The following AS3MT variants were observed in gnomAD, a reference collection of about 807,000 sequenced individuals.
The protein encoded by AS3MT is arsenite methyltransferase, also known as S-adenosyl-L-methionine:arsenic(III) methyltransferase.
In AS3MT, 47 loss-of-function variants were observed where a neutral mutation model predicts 45.3. The ratio of observed to expected loss-of-function variants is 1.04; its 90% CI spans 0.82 to 1.32. The LOEUF (loss-of-function observed/expected upper bound fraction) is 1.32. Ranked by LOEUF, AS3MT falls within the 40% of genes most tolerant of loss-of-function variation. AS3MT has a pLI of 0.00. For synonymous variants in AS3MT, 141 were observed against 152.8 expected, an observed-to-expected ratio of 0.92 and a Z score of 0.57; for missense variants, 396 against 451.1, an observed-to-expected ratio of 0.88 and a Z score of 1.11.
chr10:102,876,737 T>G (rs1198385133), intron 6 of AS3MT, among the ~76,000 whole-genome samples: 1 of 152,204 alleles, frequency 6.6e-6, no homozygotes, highest in Non-Finnish European at 1.5e-5. Flanking sequence ...GAATGTGATT[T>G]TATTACCTGT....
At position 102,873,223 on chromosome 10, in the gene AS3MT, G is replaced by A; in HGVS notation, c.448G>A (p.Asp150Asn). The A allele has an allele frequency of 6.2e-7, 1 of 1,602,386 alleles. No individual in the cohort carries two copies. The highest frequency in any genetic ancestry group is 1.1e-5 in the South Asian group (1 of 88,072). ...GGCTGGAATCAAGAATGAGAGCCAT[G>A]ATATTGTTGTGTAGGTCTATATTCT... is the stretch of plus-strand genomic sequence containing the variant. ...GEAGIKNESHDIVVSNCVINL... is the reference protein window; with the variant it reads ...GEAGIKNESHNIVVSNCVINL... The change falls in exon 5 of 11, where the codon GAT (aspartate) becomes AAT (asparagine). Residue 150 changes from aspartate to asparagine, a missense_variant. Coordinates refer to ENST00000369880, the MANE Select transcript of AS3MT (RefSeq NM_020682.4).
At chr10:102,890,957 C>T (rs1845060521) in intron 10 of AS3MT, among the ~76,000 whole-genome samples, 1 of 152,210 alleles carries the variant, frequency 6.6e-6, no homozygotes, top group Admixed American at 6.5e-5. Flanking sequence ...AGGTAACCCA[C>T]CTGCCTCAGT....
intron 9 of AS3MT, chr10:102,887,890 T>C (rs1221198911): frequency 6.5e-6 from 1 of 153,176 alleles, no homozygotes; most frequent in African/African-American, 2.4e-5. Context: ...GGAATTAACG[T>C]CATTCATAAT....
intron 8 of AS3MT, 59 bp from the exon 9 acceptor site, chr10:102,878,790 G>T: frequency 6.3e-7 from 1 of 1,578,462 alleles, no homozygotes; most frequent in South Asian, 1.2e-5. Context: ...CTTGTCTGCT[G>T]AGCAAGGCAA....
At position 102,901,680 on chromosome 10, in the gene AS3MT, G is replaced by A. The variant is rs1845272002; in HGVS notation, c.*980G>A. ...ATCAGAAGAAGTAACAGTTGGCAGA[G>A]GGTCTCAGGAAAAACATCTTCCTTC... On this transcript the variant is annotated 3_prime_UTR_variant, in exon 11 of 11. Coordinates refer to ENST00000369880, the MANE Select transcript of AS3MT (RefSeq NM_020682.4). 1 of 152,118 alleles carries A rather than the reference G, an allele frequency of 6.6e-6. No individual in the cohort carries two copies. Among genetic ancestry groups the A allele is most frequent in the African/African-American group, 2.4e-5 (1 of 41,434 alleles). 9.4% of individuals were successfully genotyped at this position (152,118 alleles called of 1,614,324 possible).
rs1385632603 is a variant in AS3MT at position 102,900,642 on chromosome 10, A to C, written c.1070A>C (p.Lys357Thr). The part of the protein sequence containing the change: ...FKLAEESDSM[K>T]SRCVPDAAGG... Reference sequence around the variant, plus strand: ...CTTGCAGAAGAGTCTGACAGTATGAAGTCCAGATGTGTCCCTGATGCTGCT... The same window carrying C: ...CTTGCAGAAGAGTCTGACAGTATGACGTCCAGATGTGTCCCTGATGCTGCT... The change falls in exon 11 of 11, where the codon AAG (lysine) becomes ACG (threonine). Residue 357 changes from lysine to threonine, a missense_variant. Coordinates refer to ENST00000369880, the MANE Select transcript of AS3MT (RefSeq NM_020682.4). The C allele has an allele frequency of 2.5e-6, 4 of 1,614,202 alleles. No individual in the cohort carries two copies. The highest frequency in any genetic ancestry group is 3.4e-6 in the Non-Finnish European group (4 of 1,180,028).
At chr10:102,889,610 G>GCCTT (rs1172760780) in intron 9 of AS3MT, among the ~76,000 whole-genome samples, 7 of 75,084 alleles carry the variant, frequency 9.3e-5, no homozygotes, top group Non-Finnish European at 9.0e-5. Context: ...CTGCCTGTCT[G>GCCTT]CCTGCCTTCC....
At chr10:102,870,830 T>G (rs1844667721) in intron 3 of AS3MT, among the ~76,000 whole-genome samples, 1 of 152,224 alleles carries the variant, frequency 6.6e-6, no homozygotes, top group Non-Finnish European at 1.5e-5. Flanking sequence ...ACCTACTGCA[T>G]GGAGCCTTCT....
intron 5 of AS3MT, among the ~76,000 whole-genome samples, chr10:102,874,365 G>A (rs1326231906): frequency 6.6e-6 from 1 of 152,198 alleles, no homozygotes; most frequent in African/African-American, 2.4e-5. Flanking sequence ...CATGCCTGAT[G>A]TTATTTTCTG....
chr10:102,889,051 C>T (rs1168359703), intron 9 of AS3MT, among the ~76,000 whole-genome samples: 3 of 151,016 alleles, frequency 2.0e-5, no homozygotes. Flanking sequence ...CCACCATGCC[C>T]GGCTAATTTT....
Position 102,877,016 on chromosome 10 carries a change from GAC to G in AS3MT, c.597_598del (p.His199GlnfsTer6). 2 of 1,614,100 alleles carry G rather than the reference GAC, an allele frequency of 1.2e-6. No homozygotes were observed. The highest frequency in any genetic ancestry group is 2.2e-5 in the South Asian group (2 of 91,082). On this transcript the variant is annotated frameshift_variant, in exon 7 of 11. Transcript: ENST00000369880. LOFTEE classifies it high-confidence loss of function. Reference protein sequence around the residue: ...TSLELPEEIRTHKVLWGECLG... With the variant: ...TSLELPEEIRXHKVLWGECLG... ...GCCTTGAACTGCCAGAAGAAATCAG[GAC>G]ACACAAAGTTTTATGGGGTAGGTGA...
intron 4 of AS3MT, 42 bp downstream of exon 4, chr10:102,872,640 A>G: frequency 6.4e-7 from 1 of 1,563,516 alleles, no homozygotes; most frequent in African/African-American, 1.4e-5. Flanking sequence ...AGATTCTCAA[A>G]AGCATTATTT....
At chr10:102,888,317 A>T (rs898585915) in intron 9 of AS3MT, 1 of 152,228 alleles carries the variant, frequency 6.6e-6, no homozygotes, top group Non-Finnish European at 1.5e-5. Context: ...TAATTGATGT[A>T]GCTATTTTGG....
At chr10:102,874,487 G>A (rs1844750055) in intron 5 of AS3MT, 105 bp from the exon 6 acceptor site, 1 of 770,766 alleles carries the variant, frequency 1.3e-6, no homozygotes, top group Non-Finnish European at 2.2e-6. Context: ...GTAAGAATGG[G>A]GTAGCTTTGA....
At chr10:102,890,157 T>C (rs1845045887) in intron 9 of AS3MT, among the ~76,000 whole-genome samples, 1 of 140,114 alleles carries the variant, frequency 7.1e-6, no homozygotes, top group African/African-American at 2.6e-5. Flanking sequence ...CCTGCCACTA[T>C]GTCCGGCTAA....
chr10:102,897,328 G>A (rs970611712), intron 10 of AS3MT, among the ~76,000 whole-genome samples: 5 of 151,262 alleles, frequency 3.3e-5, no homozygotes, highest in Non-Finnish European at 7.4e-5. Context: ...AGCTTGCAGT[G>A]AGCAGAGATC....
rs1279033981 is a variant in AS3MT at position 102,881,865 on chromosome 10, A to G, written c.885+2874A>G. 1.3e-5 allele frequency among the ~76,000 whole-genome samples: 2 copies of G among 151,136 alleles called. No homozygotes were observed. The highest frequency in any genetic ancestry group is 3.0e-5 in the Non-Finnish European group (2 of 67,732). ...ATTCTCCCATCTCAGCCTCCCAAGT[A>G]GCTGGGACTACAGGCATGTGTCACC... On this transcript the variant is annotated intron_variant, in intron 9 of 10. Transcript: ENST00000369880. This position sits in a 1 kb window ranked among gnomAD's most constrained non-coding sequence, Gnocchi z 4.2.
chr10:102,870,414 T>C (rs1224623355), intron 3 of AS3MT, among the ~76,000 whole-genome samples: 1 of 152,134 alleles, frequency 6.6e-6, no homozygotes. Context: ...GAGCCTGTAG[T>C]CCCAAGTGCT....
chr10:102,898,615 G>T (rs1845220370), intron 10 of AS3MT, among the ~76,000 whole-genome samples: 1 of 152,106 alleles, frequency 6.6e-6, no homozygotes, highest in South Asian at 2.1e-4. Context: ...ACAAAACACT[G>T]CAGCATCTGA....
Sources: gnomAD v4.1 joint callset for allele counts (sites outside exome capture counted in the v4.1 genomes callset) on GRCh38, gnomAD v4.1.1 for gene constraint, Gnocchi (gnomAD v3.1) non-coding constraint, MANE v1.5 for transcripts, NCBI Gene and HGNC (gene_info 2026-07-23, HGNC 2026-07-21) for gene names.